The following EPHA1 variants were observed in gnomAD, a reference collection of about 807,000 sequenced individuals.
The protein encoded by EPHA1 is ephrin type-A receptor 1.
EPHA1 carries 92 observed loss-of-function variants against 110.1 expected under a neutral mutation model. The observed-to-expected ratio is 0.84, with a 90% CI of 0.71 to 0.99. EPHA1 has a LOEUF of 0.99. Ranked by LOEUF, EPHA1 falls within the 50% of genes least tolerant of loss-of-function variation. The pLI is 0.00. For missense variants in EPHA1, 1,204 were observed against 1,285.4 expected, an observed-to-expected ratio of 0.94 and a Z score of 0.97; for synonymous variants, 500 against 516.1, an observed-to-expected ratio of 0.97 and a Z score of 0.42.
Position 143,397,289 on chromosome 7 carries a change from G to A in EPHA1, c.1771+15C>T. ...CACACGCATGTGGGGACACACGCAG[G>A]TGCACCCGACTCACCTCGATCCACA... On this transcript the variant is annotated intron_variant, in intron 10 of 17. Coordinates refer to ENST00000275815, the MANE Select transcript of EPHA1 (RefSeq NM_005232.5). The A allele has an allele frequency of 1.3e-6, 2 of 1,546,830 alleles. No individual in the cohort carries two copies. The highest frequency in any genetic ancestry group is 1.7e-6 in the Non-Finnish European group (2 of 1,145,582).
intron 14 of EPHA1, 74 bp downstream of exon 14, chr7:143,394,734 A>G (rs1805195552): frequency 6.4e-7 from 1 of 1,559,734 alleles, no homozygotes; most frequent in Non-Finnish European, 8.7e-7. Flanking sequence ...CTTTGTGCCT[A>G]TATACATGTG....
chr7:143,396,764 T>A (rs1347990441), intron 10 of EPHA1: 2 of 422,370 alleles, frequency 4.7e-6, no homozygotes. Flanking sequence ...CCGCAGAGCA[T>A]ATTTGCTGCC....
In EPHA1 at chr7:143,399,451, T is replaced by C. The variant is rs561086930; in HGVS notation, c.836-38A>G. The C allele has an allele frequency of 4.5e-5, 69 of 1,549,460 alleles. No homozygotes were observed. The East Asian group carries it at 1.3e-3, about 30-fold the overall frequency. On this transcript the variant is annotated intron_variant, in intron 4 of 17. Coordinates refer to ENST00000275815, the MANE Select transcript of EPHA1 (RefSeq NM_005232.5). Reference sequence around the variant, plus strand: ...CGCAGCAGAGCAGTGGTTCTGTAAATGTTTTTACAGGCAGAACCACCACCA... The same window carrying C: ...CGCAGCAGAGCAGTGGTTCTGTAAACGTTTTTACAGGCAGAACCACCACCA...
rs765890431 is a variant in EPHA1, at chr7:143,398,759, G to A, written c.1178C>T (p.Ser393Leu). The change falls in exon 6 of 18, where the codon TCG (serine) becomes TTG (leucine). Residue 393 changes from serine to leucine, a missense_variant. By Grantham distance (145) the Ser-to-Leu change is moderately radical (BLOSUM62 -2). Transcript: ENST00000275815. ...TGTGGTGAGCCCCCGGGCCCCCGGCGAGAAGTGCACGCCCACCCCACAGGG... is the reference window on the plus strand; with the variant it reads ...TGTGGTGAGCCCCCGGGCCCCCGGCAAGAAGTGCACGCCCACCCCACAGGG... ...CQPCGVGVHF[S>L]PGARGLTTPA... 23 of 1,613,742 alleles carry A rather than the reference G, an allele frequency of 1.4e-5. No individual in the cohort carries two copies. In the East Asian group the frequency reaches 2.0e-4, roughly 14 times the overall value.
In EPHA1 at chr7:143,393,660, T is replaced by G. The variant is rs1805151772; in HGVS notation, c.2696+11A>C. On this transcript the variant is annotated intron_variant, in intron 16 of 17. Transcript: ENST00000275815. The surrounding 1 kb of genome is among the most constrained non-coding windows in gnomAD (Gnocchi z 5.6). ...CCTCTGGGTTCCCTAGTCCTTCCCC[T>G]GCATGGTTACCTGGGGTCAAAGTTG... 2.5e-6 allele frequency: 4 copies of G among 1,612,356 alleles called. No individual in the cohort carries two copies. In the South Asian group the frequency reaches 3.3e-5, roughly 13 times the overall value.
At chr7:143,396,295 C>G (rs999763847) in intron 11 of EPHA1, 90 bp downstream of exon 11, 26 of 1,507,648 alleles carry the variant, frequency 1.7e-5, no homozygotes, top group Non-Finnish European at 2.0e-5. Flanking sequence ...GCTGGGCTGC[C>G]CAGGGAAGCG....
chr7:143,401,466 A>G lies in EPHA1; in HGVS notation c.290T>C (p.Val97Ala), dbSNP rs752699309. Reference protein sequence around the residue: ...YRGEEASRVHVELQFTVRDCK... With the variant: ...YRGEEASRVHAELQFTVRDCK... ...GTCCCGCACGGTGAACTGCAGCTCC[A>G]CGTGGACGCGGGAAGCCTCCTCCCC... The change falls in exon 3 of 18, where the codon GTG becomes GCG. Residue 97 changes from valine to alanine, a missense_variant. By Grantham distance (64) the Val-to-Ala change is moderately conservative. Coordinates refer to ENST00000275815, the MANE Select transcript of EPHA1 (RefSeq NM_005232.5). The surrounding 1 kb of genome is among the most constrained non-coding windows in gnomAD (Gnocchi z 4.1). The G allele has an allele frequency of 5.6e-6, 9 of 1,613,924 alleles. No individual in the cohort carries two copies. Among genetic ancestry groups the G allele is most frequent in the Non-Finnish European group, 3.4e-6 (4 of 1,180,036 alleles).
rs758879954 is a variant in EPHA1 at position 143,395,006 on chromosome 7, C to T, written c.2154G>A (p.Glu718=). The change falls in exon 14 of 18, where the codon GAG becomes GAA. Residue 718 remains glutamate, a synonymous_variant. Transcript: ENST00000275815. This position sits in a 1 kb window ranked among gnomAD's most constrained non-coding sequence, Gnocchi z 4.7. ...GALDAFLRER[E]DQLVPGQLVA... is the part of the protein sequence containing the mutation. Reference sequence around the variant, plus strand: ...CTAGCTGCCCAGGGACCAGCTGGTCCTCCCGCTCCTGCAGCAGGGTGAGTG... The same window carrying T: ...CTAGCTGCCCAGGGACCAGCTGGTCTTCCCGCTCCTGCAGCAGGGTGAGTG... 5 of 1,614,050 alleles carry T rather than the reference C, an allele frequency of 3.1e-6. No individual in the cohort carries two copies. Among genetic ancestry groups the T allele is most frequent in the African/African-American group, 1.3e-5 (1 of 75,024 alleles).
intron 1 of EPHA1, 100 bp from the exon 2 acceptor site, chr7:143,407,778 C>T (rs1805596737): frequency 2.8e-6 from 3 of 1,073,940 alleles, no homozygotes; most frequent in Non-Finnish European, 2.8e-6. Flanking sequence ...GCTGCAACAT[C>T]CTGTTCCTAA....
At chr7:143,398,272 G>T (rs367867670) in intron 7 of EPHA1, 49 bp downstream of exon 7, 162 of 1,608,368 alleles carry the variant, frequency 1.0e-4, no homozygotes, top group East Asian at 2.2e-4. Context: ...GAATGTTGGG[G>T]TGTGCCCGGG....
intron 2 of EPHA1, among the ~76,000 whole-genome samples, chr7:143,404,855 T>C (rs1174447682): frequency 6.6e-6 from 1 of 152,128 alleles, no homozygotes; most frequent in Non-Finnish European, 1.5e-5. Flanking sequence ...TCTATTGATA[T>C]TTTTGTTGCA....
Position 143,400,035 on chromosome 7 carries a change from C to T in EPHA1, c.451G>A (p.Asp151Asn). The change falls in exon 4 of 18, where the codon GAC becomes AAC. Residue 151 changes from aspartate (D) to asparagine (N), a missense_variant. Coordinates refer to ENST00000275815, the MANE Select transcript of EPHA1 (RefSeq NM_005232.5). Reference protein sequence around the residue: ...LFQKVTTVAADQSFTIRDLVS... With the variant: ...LFQKVTTVAANQSFTIRDLVS... ...AGGTCTCGAATGGTGAAGCTCTGGT[C>T]TGCAGCCACCGTGGTTACCTGGGTA... 6.2e-7 allele frequency: 1 copy of T among 1,603,448 alleles called. No individual in the cohort carries two copies. Among genetic ancestry groups the T allele is most frequent in the Non-Finnish European group, 8.5e-7 (1 of 1,172,126 alleles).
chr7:143,398,054 T>C lies in EPHA1; in HGVS notation c.1481A>G (p.Gln494Arg). ...CAAGACCCTGGGTTCTAGAACCATC[T>C]GGTACCGTTCTTCATCCTGTGGGTT... ...HVLNQDEERY[Q>R]MVLEPRVLLT... The change falls in exon 8 of 18, where the codon CAG (glutamine) becomes CGG (arginine). Residue 494 changes from glutamine to arginine, a missense_variant. Coordinates refer to ENST00000275815, the MANE Select transcript of EPHA1 (RefSeq NM_005232.5). 1 of 1,614,136 alleles carries C rather than the reference T, an allele frequency of 6.2e-7. No individual in the cohort carries two copies. The highest frequency in any genetic ancestry group is 8.5e-7 in the Non-Finnish European group (1 of 1,179,992).
Position 143,391,183 on chromosome 7 carries a change from G to T in EPHA1, c.*274C>A. On this transcript the variant is annotated 3_prime_UTR_variant, in exon 18 of 18. Coordinates refer to ENST00000275815, the MANE Select transcript of EPHA1 (RefSeq NM_005232.5). ...GGATGGAGGCAGAAAATCAGTTCCT[G>T]TTTATTTACAAAAATATATATATGT... The T allele has an allele frequency of 2.4e-6, 1 of 421,538 alleles. No homozygotes were observed. The highest frequency in any genetic ancestry group is 4.2e-6 in the Non-Finnish European group (1 of 235,376). The allele number at this position is 421,538 out of a possible 1,614,324, so 26.1% of individuals were successfully genotyped here.
rs201915712 is a variant in EPHA1 at position 143,399,736 on chromosome 7, G to A, written c.750C>T (p.Ser250=). The change falls in exon 4 of 18, where the codon AGC becomes AGT. Residue 250 remains serine, a synonymous_variant. Transcript: ENST00000275815. Reference sequence around the variant, plus strand: ...CAGGCACCAGCCACTCGCCATCAGGGCTGCAGTGCATGCGGGGTGCACCTG... The same window carrying A: ...CAGGCACCAGCCACTCGCCATCAGGACTGCAGTGCATGCGGGGTGCACCTG... ...RPSGAPRMHC[S]PDGEWLVPVG... 701 of 1,613,914 alleles carry A rather than the reference G, an allele frequency of 4.3e-4. No individual in the cohort carries two copies. The highest frequency in any genetic ancestry group is 1.3e-3 in the South Asian group (121 of 91,070).
Position 143,401,515 on chromosome 7 carries a change from G to A in EPHA1, c.241C>T (p.Leu81Phe). The A allele has an allele frequency of 2.5e-6, 4 of 1,614,152 alleles. No homozygotes were observed. Among genetic ancestry groups the A allele is most frequent in the Non-Finnish European group, 2.5e-6 (3 of 1,180,038 alleles). ...CCGCGGTAGATCCAATTGGAGCGAA[G>A]CCAGTGGTCAGTGTCTCTGCGTCCT... is the stretch of plus-strand genomic sequence containing the variant. Reference protein sequence around the residue: ...MQGRRDTDHWLRSNWIYRGEE... With the variant: ...MQGRRDTDHWFRSNWIYRGEE... The change falls in exon 3 of 18, where the codon CTT becomes TTT. Residue 81 changes from leucine (L) to phenylalanine (F), a missense_variant. Leu to Phe is a conservative substitution (Grantham distance 22). Coordinates refer to ENST00000275815, the MANE Select transcript of EPHA1 (RefSeq NM_005232.5). This position sits in a 1 kb window ranked among gnomAD's most constrained non-coding sequence, Gnocchi z 4.1.
chr7:143,406,213 G>A (rs577254168), intron 2 of EPHA1, among the ~76,000 whole-genome samples: 1 of 152,224 alleles, frequency 6.6e-6, no homozygotes, highest in East Asian at 1.9e-4. Context: ...TGGGACTTTC[G>A]GCCCCACCCC....
intron 2 of EPHA1, among the ~76,000 whole-genome samples, chr7:143,402,126 G>C (rs1465776222): frequency 6.9e-6 from 1 of 144,424 alleles, no homozygotes; most frequent in Non-Finnish European, 1.5e-5. Context: ...ATGAGTTCTT[G>C]CTATGCTGTC....
chr7:143,400,878 G>A (rs970471676), intron 3 of EPHA1: 3 of 171,118 alleles, frequency 1.8e-5, no homozygotes, highest in African/African-American at 7.2e-5. Context: ...CAGCCCTTCT[G>A]ATTTCCAATG....
Sources: allele counts gnomAD v4.1 joint callset (sites outside exome capture counted in the v4.1 genomes callset), GRCh38; gene constraint gnomAD v4.1.1; non-coding constraint Gnocchi (gnomAD v3.1); transcripts MANE v1.5; gene names NCBI Gene and HGNC (gene_info 2026-07-23, HGNC 2026-07-21).